The following MDGA1 variants were observed in gnomAD, a reference collection of about 807,000 sequenced individuals.
The protein encoded by MDGA1 is MAM domain containing glycosylphosphatidylinositol anchor 1, also known as MAM domain-containing glycosylphosphatidylinositol anchor protein 1.
Under a neutral mutation model 101.5 loss-of-function variants are expected in MDGA1, and 54 were observed. The ratio of observed to expected loss-of-function variants is 0.53; its 90% CI spans 0.43 to 0.67. The LOEUF is 0.67. Among genes scored for constraint, MDGA1 ranks in the 30% least tolerant of loss-of-function variants. MDGA1 has a pLI of 0.00. For missense variants in MDGA1, 1,083 were observed against 1,323.8 expected (o/e 0.82, Z 2.82); for synonymous variants, 533 against 558.3 (o/e 0.95, Z 0.64).
At chr6:37,680,770 G>T (rs922034937) in intron 1 of MDGA1, among the ~76,000 whole-genome samples, 11 of 152,356 alleles carry the variant, frequency 7.2e-5, no homozygotes, top group Middle Eastern at 3.4e-3. Context: ...GCCCAGCTGG[G>T]GCCACTGTCT....
rs200957810 is a variant in MDGA1, at chr6:37,646,001, G to A, written c.2225-45C>T. ...AACCAAGTCAGAACTGAGGTGTGGG[G>A]CTCTGCAGAGGATACCCTGCTTGGG... On this transcript the variant is annotated intron_variant, in intron 11 of 16. Transcript: ENST00000434837. 2.5e-6 allele frequency: 4 copies of A among 1,613,704 alleles called. No individual in the cohort carries two copies. The Admixed American group carries it at 6.7e-5, about 27-fold the overall frequency.
Position 37,655,092 on chromosome 6 carries a change from C to T in MDGA1, c.580-160G>A. 1 of 830,304 alleles carries T rather than the reference C, an allele frequency of 1.2e-6. No homozygotes were observed. Among genetic ancestry groups the T allele is most frequent in the South Asian group, 1.8e-5 (1 of 56,378 alleles). 51.4% of individuals were successfully genotyped at this position (830,304 alleles called of 1,614,324 possible). A position where few individuals can be genotyped will look rare whatever the true frequency, so the allele number is the denominator to read the frequency against. ...ACCATTTAGCCCCAGGGGTCCTGAG[C>T]CTGGGGTGGATGCTACACTCTCCAT... is the stretch of plus-strand genomic sequence containing the variant. On this transcript the variant is annotated intron_variant, in intron 4 of 16. Transcript: ENST00000434837. This position sits in a 1 kb window ranked among gnomAD's most constrained non-coding sequence, Gnocchi z 5.1.
At chr6:37,656,807 C>G (rs1043616682) in intron 3 of MDGA1, among the ~76,000 whole-genome samples, 4 of 152,176 alleles carry the variant, frequency 2.6e-5, no homozygotes, top group Non-Finnish European at 5.9e-5. Flanking sequence ...CCTAGTTTAG[C>G]TGTTAATTTG....
At chr6:37,667,284 C>G (rs967666426) in intron 1 of MDGA1, among the ~76,000 whole-genome samples, 1 of 152,216 alleles carries the variant, frequency 6.6e-6, no homozygotes, top group Non-Finnish European at 1.5e-5. Flanking sequence ...ACCATCCTGC[C>G]TGCCTGGCTG....
intron 1 of MDGA1, among the ~76,000 whole-genome samples, chr6:37,689,778 T>C (rs1044458109): frequency 3.3e-5 from 5 of 152,142 alleles, no homozygotes; most frequent in Admixed American, 6.5e-5. Flanking sequence ...GCAGCTCCTA[T>C]TCCTTGCCTG....
chr6:37,649,761 G>A, intron 8 of MDGA1: 1 of 507,222 alleles, frequency 2.0e-6, no homozygotes, highest in Non-Finnish European at 3.7e-6. Context: ...TCTTAGAACA[G>A]TGTTTGGCAC....
rs1761179099 is a variant in MDGA1 at position 37,645,794 on chromosome 6, G to A, written c.2248+139C>T. ...AACCCTGCTTCTCCTTCTAGCCTCTGGCCCTACCCCATGGAAACACAGGGG... is the reference window on the plus strand; with the variant it reads ...AACCCTGCTTCTCCTTCTAGCCTCTAGCCCTACCCCATGGAAACACAGGGG... On this transcript the variant is annotated intron_variant, in intron 12 of 16. Transcript: ENST00000434837. The A allele has an allele frequency of 4.0e-6, 4 of 1,003,028 alleles. No individual in the cohort carries two copies. The East Asian group carries it at 1.0e-4, about 26-fold the overall frequency. The allele number at this position is 1,003,028 out of a possible 1,614,324, so 62.1% of individuals were successfully genotyped here. A position where few individuals can be genotyped will look rare whatever the true frequency, so the allele number is the denominator to read the frequency against.
chr6:37,655,584 C>T lies in MDGA1; in HGVS notation c.579+116G>A. ...GAACTCCAATCAGAATGTGTGTTTC[C>T]AAAGTAAGAATAGAATTGTTGAAGT... On this transcript the variant is annotated intron_variant, in intron 4 of 16. Transcript: ENST00000434837. The surrounding 1 kb of genome is among the most constrained non-coding windows in gnomAD (Gnocchi z 5.1). The T allele has an allele frequency of 2.5e-6, 2 of 786,070 alleles. No individual in the cohort carries two copies. The highest frequency in any genetic ancestry group is 4.0e-6 in the Non-Finnish European group (2 of 494,650). 48.7% of individuals were successfully genotyped at this position (786,070 alleles called of 1,614,324 possible).
chr6:37,637,477 G>A lies in MDGA1; in HGVS notation c.2777-18C>T. 6.2e-7 allele frequency: 1 copy of A among 1,608,750 alleles called. No homozygotes were observed. Among genetic ancestry groups the A allele is most frequent in the Non-Finnish European group, 8.5e-7 (1 of 1,175,868 alleles). On this transcript the variant is annotated intron_variant, in intron 16 of 16. Coordinates refer to ENST00000434837, the MANE Select transcript of MDGA1 (RefSeq NM_153487.4). ...CACCACCACTGCAACAGGGGAGAAA[G>A]AGGAGACAGGCCAGGGCTCTGGTCA...
chr6:37,670,569 G>T (rs1255895502), intron 1 of MDGA1, among the ~76,000 whole-genome samples: 1 of 152,184 alleles, frequency 6.6e-6, no homozygotes, highest in East Asian at 1.9e-4. Context: ...CTCATGTAAA[G>T]TGTTTAAAAC....
At position 37,697,873 on chromosome 6, in the gene MDGA1, G is replaced by A. The variant is rs1327470439; in HGVS notation, c.-1062C>T. 1.3e-5 allele frequency: 2 copies of A among 151,440 alleles called. No individual in the cohort carries two copies. The highest frequency in any genetic ancestry group is 4.8e-5 in the African/African-American group (2 of 41,374). The allele number at this position is 151,440 out of a possible 1,614,324, so 9.4% of individuals were successfully genotyped here. On this transcript the variant is annotated 5_prime_UTR_variant, in exon 1 of 17. Coordinates refer to ENST00000434837, the MANE Select transcript of MDGA1 (RefSeq NM_153487.4). ...AGCGCTCCGCTCGCTCAGCAACTTGGGCTTTGCTGTGCTGCTTTTTCGCCC... is the reference window on the plus strand; with the variant it reads ...AGCGCTCCGCTCGCTCAGCAACTTGAGCTTTGCTGTGCTGCTTTTTCGCCC...
At chr6:37,682,243 G>A (rs1490663207) in intron 1 of MDGA1, among the ~76,000 whole-genome samples, 1 of 152,220 alleles carries the variant, frequency 6.6e-6, no homozygotes, top group African/African-American at 2.4e-5. Context: ...CCAGCACTTT[G>A]GGAGGCCGAG....
At chr6:37,654,695 G>C (rs1218907683) in intron 5 of MDGA1, 105 bp downstream of exon 5, 4 of 1,546,868 alleles carry the variant, frequency 2.6e-6, no homozygotes, top group Non-Finnish European at 3.5e-6. Flanking sequence ...GGAGGGGCCA[G>C]ACATTAGTGG....
chr6:37,637,202 G>C lies in MDGA1; in HGVS notation c.*166C>G. ...GCTGTCTCCAGGGCCTCAGTGCCTGGCCTCTGTCCTTGTTCTCTGCTCATC... is the reference window on the plus strand; with the variant it reads ...GCTGTCTCCAGGGCCTCAGTGCCTGCCCTCTGTCCTTGTTCTCTGCTCATC... On this transcript the variant is annotated 3_prime_UTR_variant, in exon 17 of 17. Transcript: ENST00000434837. 1 of 586,670 alleles carries C rather than the reference G, an allele frequency of 1.7e-6. No individual in the cohort carries two copies. Among genetic ancestry groups the C allele is most frequent in the Admixed American group, 3.1e-5 (1 of 32,762 alleles). 36.3% of individuals were successfully genotyped at this position (586,670 alleles called of 1,614,324 possible). A position where few individuals can be genotyped will look rare whatever the true frequency, so the allele number is the denominator to read the frequency against.
At chr6:37,644,382 G>A in intron 13 of MDGA1, 115 bp downstream of exon 13, 1 of 1,149,540 alleles carries the variant, frequency 8.7e-7, no homozygotes, top group South Asian at 1.8e-5. Flanking sequence ...CTGAGAACAG[G>A]GCTGCGTCTC....
At position 37,638,919 on chromosome 6, in the gene MDGA1, T is replaced by C; in HGVS notation, c.2537-252A>G. 1 of 442,746 alleles carries C rather than the reference T, an allele frequency of 2.3e-6. No individual in the cohort carries two copies. The allele number at this position is 442,746 out of a possible 1,614,324, so 27.4% of individuals were successfully genotyped here. On this transcript the variant is annotated intron_variant, in intron 14 of 16. Coordinates refer to ENST00000434837, the MANE Select transcript of MDGA1 (RefSeq NM_153487.4). The surrounding 1 kb of genome is among the most constrained non-coding windows in gnomAD (Gnocchi z 4.8). ...ATTTTCTTTCATTTCTTTCCTGCCC[T>C]GCTAATCAGCTAATCTCCCCAACCC...
In MDGA1 at chr6:37,654,452, A is replaced by C. The variant is rs1185593224; in HGVS notation, c.804T>G (p.Asp268Glu). 6.2e-7 allele frequency: 1 copy of C among 1,613,870 alleles called. No homozygotes were observed. The highest frequency in any genetic ancestry group is 8.5e-7 in the Non-Finnish European group (1 of 1,179,862). The part of the protein sequence containing the change: ...VTVQCLLTGG[D>E]PLPQLQWSHG... ...GGGACCACTGCAGCTGGGGGAGGGG[A>C]TCACCGCCTGTCAGCAGACACTGCA... Residue 268 changes from aspartate to glutamate, a missense_variant, in exon 6 of 17, where the codon GAT becomes GAG. Physicochemically the swap from Asp to Glu is conservative, Grantham distance 45 (BLOSUM62 2). Transcript: ENST00000434837.
intron 3 of MDGA1, among the ~76,000 whole-genome samples, chr6:37,657,552 T>C (rs1761519770): frequency 6.6e-6 from 1 of 152,180 alleles, no homozygotes; most frequent in Non-Finnish European, 1.5e-5. Context: ...GGGGTGTCAG[T>C]GTTCATCACT....
chr6:37,646,006 G>C (rs921203701), intron 11 of MDGA1, 50 bp from the exon 12 acceptor site: 1 of 1,613,408 alleles, frequency 6.2e-7, no homozygotes, highest in Non-Finnish European at 8.5e-7. Flanking sequence ...GTGGGGCTCT[G>C]CAGAGGATAC....
Sources: gnomAD v4.1 joint callset for allele counts (sites outside exome capture counted in the v4.1 genomes callset) on GRCh38, gnomAD v4.1.1 for gene constraint, Gnocchi (gnomAD v3.1) non-coding constraint, MANE v1.5 for transcripts, NCBI Gene and HGNC (gene_info 2026-07-23, HGNC 2026-07-21) for gene names.